TJP2: variants seen among roughly 807,000 people sequenced by gnomAD.
TJP2 encodes the protein tight junction protein 2, also known as Friedreich ataxia region gene X104 (tight junction protein ZO-2).
Under a neutral mutation model 133.1 loss-of-function variants are expected in TJP2, and 91 were observed. The observed-to-expected ratio is 0.68, with a 90% CI of 0.58 to 0.81. The LOEUF is 0.81. Among genes scored for constraint, TJP2 ranks in the 40% least tolerant of loss-of-function variants. TJP2 has a pLI of 0.00. For missense variants in TJP2, 1,541 were observed against 1,565.6 expected (o/e 0.98, Z 0.26); for synonymous variants, 592 against 583.4 (o/e 1.01, Z -0.21).
chr9:69,245,422 G>A (rs1830853843), intron 17 of TJP2, among the ~76,000 whole-genome samples: 1 of 152,168 alleles, frequency 6.6e-6, no homozygotes, highest in Non-Finnish European at 1.5e-5. Flanking sequence ...GATAATTTTA[G>A]GGGTACAATT....
At position 69,254,355 on chromosome 9, in the gene TJP2, A is replaced by G. The variant is rs1831557234; in HGVS notation, c.3554A>G (p.Tyr1185Cys). ...KRGYYGQSAR[Y>C]RDTEL ...GGTTACTATGGCCAGTCTGCCCGAT[A>G]CCGGGACACAGAATTATAGATGTCT... The change falls in exon 23 of 23, where the codon TAC (tyrosine) becomes TGC (cysteine). Residue 1185 changes from tyrosine (Y) to cysteine (C), a missense_variant. Transcript: ENST00000377245. 3 of 1,614,196 alleles carry G rather than the reference A, an allele frequency of 1.9e-6. No homozygotes were observed. The highest frequency in any genetic ancestry group is 2.5e-6 in the Non-Finnish European group (3 of 1,180,042).
At chr9:69,169,611 C>T (rs768141535), upstream of TJP2, among the ~76,000 whole-genome samples, 5 of 152,288 alleles carry the variant, frequency 3.3e-5, no homozygotes, top group East Asian at 3.9e-4. Flanking sequence ...CCATCCGCCT[C>T]GGCCTCCCAA....
chr9:69,202,389 G>A (rs1409011284), intron 1 of TJP2, among the ~76,000 whole-genome samples: 1 of 152,064 alleles, frequency 6.6e-6, no homozygotes. Context: ...GAGTTTTGGT[G>A]GGACACATAC....
Position 69,242,430 on chromosome 9 carries a change from C to T in TJP2, c.2566+2283C>T, listed in dbSNP as rs552764835. Among the ~76,000 whole-genome samples, 14 of 152,322 alleles carry T rather than the reference C, an allele frequency of 9.2e-5. No homozygotes were observed. The East Asian group carries it at 1.2e-3, about 13-fold the overall frequency. On this transcript the variant is annotated intron_variant, in intron 17 of 22. Transcript: ENST00000377245. ...TTACATTAGAACTGCCCCTGGCACA[C>T]CAAGCCATTTCTTGCCTAAACTCAT...
intron 2 of TJP2, among the ~76,000 whole-genome samples, chr9:69,213,823 G>T (rs1482903743): frequency 6.6e-6 from 1 of 152,168 alleles, no homozygotes; most frequent in Non-Finnish European, 1.5e-5. Context: ...TGGCATAGAG[G>T]ATGGAGCTGC....
chr9:69,121,738 C>A (rs1027706029), intron 1 of TJP2: 1 of 152,066 alleles, frequency 6.6e-6, no homozygotes, highest in African/African-American at 2.4e-5. Context: ...AAGTACCCTC[C>A]TCTCTCTCCC....
At chr9:69,163,562 G>T (rs1299312813) in intron 2 of TJP2, among the ~76,000 whole-genome samples, 2 of 151,858 alleles carry the variant, frequency 1.3e-5, no homozygotes. Flanking sequence ...CTTGAGCCTG[G>T]GAGGCAATGG....
intron 11 of TJP2, among the ~76,000 whole-genome samples, chr9:69,231,661 T>A (rs923969705): frequency 4.6e-5 from 7 of 152,140 alleles, no homozygotes; most frequent in Non-Finnish European, 8.8e-5. Flanking sequence ...CTGGAGCAGA[T>A]GAAGGGCAAA....
chr9:69,173,975 G>A (rs1220062550), upstream of TJP2: 3 of 985,194 alleles, frequency 3.0e-6, no homozygotes, highest in African/African-American at 5.2e-5. Flanking sequence ...GGGTGCAGGC[G>A]TGGGGGCTGC....
intron 1 of TJP2, among the ~76,000 whole-genome samples, chr9:69,195,972 G>GT (rs1826529549): frequency 6.6e-6 from 1 of 152,202 alleles, no homozygotes; most frequent in African/African-American, 2.4e-5. Flanking sequence ...TTGTGTGTTT[G>GT]TTTTTTAAGA....
Position 69,221,195 on chromosome 9 carries a change from T to C in TJP2, c.651T>C (p.Arg217=). The change falls in exon 5 of 23, where the codon CGT becomes CGC. Residue 217 remains arginine (R), a synonymous_variant. Transcript: ENST00000377245. ...ATGCGCGCACCCGAGACCGCAGCCGTGGCCGGAGCCTGGAGCGGGGCCTGG... is the reference window on the plus strand; with the variant it reads ...ATGCGCGCACCCGAGACCGCAGCCGCGGCCGGAGCCTGGAGCGGGGCCTGG... ...QDHARTRDRS[R]GRSLERGLDH... 2 of 1,601,512 alleles carry C rather than the reference T, an allele frequency of 1.2e-6. No homozygotes were observed. The highest frequency in any genetic ancestry group is 1.7e-6 in the Non-Finnish European group (2 of 1,174,260).
chr9:69,206,951 A>G (rs1032868230), intron 1 of TJP2, among the ~76,000 whole-genome samples: 2 of 152,210 alleles, frequency 1.3e-5, no homozygotes, highest in African/African-American at 4.8e-5. Context: ...ATGGAGCATA[A>G]TAATTAAACA....
At chr9:69,237,207 T>C (rs1247125718) in intron 14 of TJP2, 71 bp downstream of exon 14, 59 of 1,573,732 alleles carry the variant, frequency 3.7e-5, no homozygotes, top group Non-Finnish European at 4.8e-5. Context: ...ATTTTCAGAC[T>C]GTATGGTCAA....
At chr9:69,203,894 T>C (rs1259265982) in intron 1 of TJP2, among the ~76,000 whole-genome samples, 2 of 152,156 alleles carry the variant, frequency 1.3e-5, no homozygotes, top group Non-Finnish European at 2.9e-5. Flanking sequence ...ATTACAGGCG[T>C]GAGTGACTGC....
At chr9:69,188,687 T>G (rs1826013412) in intron 1 of TJP2, among the ~76,000 whole-genome samples, 3 of 152,222 alleles carry the variant, frequency 2.0e-5, no homozygotes, top group Admixed American at 2.0e-4. Flanking sequence ...GACTCTAAGT[T>G]GCCTCTAAGA....
chr9:69,137,709 A>G (rs1822839679), intron 1 of TJP2, among the ~76,000 whole-genome samples: 4 of 151,544 alleles, frequency 2.6e-5, no homozygotes, highest in Non-Finnish European at 5.9e-5. Flanking sequence ...AGAAGAAGAA[A>G]CTTTCCAGCT....
intron 5 of TJP2, among the ~76,000 whole-genome samples, chr9:69,223,306 G>A (rs1269419558): frequency 6.6e-6 from 1 of 151,434 alleles, no homozygotes; most frequent in Non-Finnish European, 1.5e-5. Context: ...GTTTTGTTTT[G>A]TTTTGTTTTG....
intron 3 of TJP2, 110 bp downstream of exon 3, chr9:69,216,573 C>T: frequency 8.3e-7 from 1 of 1,201,182 alleles, no homozygotes; most frequent in Non-Finnish European, 1.2e-6. Context: ...AAATAACAAA[C>T]TTTTATATAA....
chr9:69,151,476 G>A (rs796492126), intron 1 of TJP2, among the ~76,000 whole-genome samples: 13 of 127,040 alleles, frequency 1.0e-4, no homozygotes, highest in African/African-American at 4.0e-4. Flanking sequence ...GCAAAACTCC[G>A]TCTCAAAAAA....
Sources: gnomAD v4.1 joint callset for allele counts (sites outside exome capture counted in the v4.1 genomes callset) on GRCh38, gnomAD v4.1.1 for gene constraint, MANE v1.5 for transcripts, NCBI Gene and HGNC (gene_info 2026-07-23, HGNC 2026-07-21) for gene names.